Variants in RBM47 observed in about 807,000 individuals in gnomAD.
RBM47 encodes the protein RNA-binding protein 47.
Under a neutral mutation model 47.1 loss-of-function variants are expected in RBM47, and 21 were observed. The ratio of observed to expected loss-of-function variants is 0.45; its 90% confidence interval spans 0.32 to 0.64. RBM47 has a LOEUF of 0.64. Ranked by LOEUF, RBM47 falls within the 30% of genes least tolerant of loss-of-function variation. The pLI is 0.05. For synonymous variants in RBM47, 375 were observed against 361.7 expected, an observed-to-expected ratio of 1.04 and a Z score of -0.42; for missense variants, 708 against 870.9, an observed-to-expected ratio of 0.81 and a Z score of 2.35.
chr4:40,446,162 C>A (rs1375444304), intron 3 of RBM47, among the ~76,000 whole-genome samples: 1 of 152,160 alleles, frequency 6.6e-6, no homozygotes, highest in African/African-American at 2.4e-5. Context: ...TACTGAATGT[C>A]TATTATGTGA....
chr4:40,617,421 T>C (rs889809450), intron 1 of RBM47, among the ~76,000 whole-genome samples: 1 of 151,774 alleles, frequency 6.6e-6, no homozygotes, highest in Non-Finnish European at 1.5e-5. Context: ...TAGCTGGGCA[T>C]AGTGGTGCGT....
chr4:40,496,492 T>G (rs975683502), intron 2 of RBM47, among the ~76,000 whole-genome samples: 4 of 152,198 alleles, frequency 2.6e-5, no homozygotes, highest in Non-Finnish European at 5.9e-5. Context: ...ATCACTTGTC[T>G]ATGCAGACAT....
In RBM47 at chr4:40,437,805, C is replaced by T. The variant is rs777088121; in HGVS notation, c.1089G>A (p.Ala363=). The T allele has an allele frequency of 3.4e-5, 54 of 1,609,180 alleles. No homozygotes were observed. Among genetic ancestry groups the T allele is most frequent in the Admixed American group, 6.7e-5 (4 of 59,884 alleles). The stretch of plus-strand genomic sequence containing the variant: ...AGTAGTCCCTGTTGGGCCCAATGAG[C>T]GCGTTGTAGGGGTAGCCGTAGTAGG... ...TLAYYGYPYN[A]LIGPNRDYFV... The change falls in exon 4 of 7, where the codon GCG becomes GCA. Residue 363 remains alanine, a synonymous_variant. Transcript: ENST00000295971.
intron 2 of RBM47, among the ~76,000 whole-genome samples, chr4:40,508,871 A>C (rs936767091): frequency 5.3e-5 from 8 of 152,170 alleles, no homozygotes; most frequent in Admixed American, 2.6e-4. Flanking sequence ...TTAAAATAAT[A>C]TGTTTTCGGC....
At chr4:40,575,707 T>G (rs1412032282) in intron 1 of RBM47, among the ~76,000 whole-genome samples, 1 of 152,204 alleles carries the variant, frequency 6.6e-6, no homozygotes, top group Non-Finnish European at 1.5e-5. Flanking sequence ...GACCAACCCA[T>G]GCCAGTTTGC....
chr4:40,541,991 T>C (rs150614626), intron 2 of RBM47, among the ~76,000 whole-genome samples: 1,789 of 152,262 alleles, frequency 0.012, 11 homozygotes, highest in Non-Finnish European at 0.021. Flanking sequence ...TGTGGACACA[T>C]TGTCTGTGAA....
Position 40,437,858 on chromosome 4 carries a change from C to T in RBM47, c.1036G>A (p.Val346Met). Residue 346 changes from valine to methionine, a missense_variant, in exon 4 of 7, where the codon GTG becomes ATG. Physicochemically the swap from Val to Met is conservative, Grantham distance 21. Coordinates refer to ENST00000295971, the MANE Select transcript of RBM47 (RefSeq NM_001098634.2). ...AAEAAQQPSY[V>M]YSCDPYTLAY... ...AGTGTGTAGGGGTCGCAGGAGTACA[C>T]GTAGCTGGGCTGCTGCGCTGCCTCA... is the stretch of plus-strand genomic sequence containing the variant. 3 of 1,614,022 alleles carry T rather than the reference C, an allele frequency of 1.9e-6. No homozygotes were observed. Among genetic ancestry groups the T allele is most frequent in the Non-Finnish European group, 2.5e-6 (3 of 1,180,010 alleles).
intron 2 of RBM47, among the ~76,000 whole-genome samples, chr4:40,492,225 C>G (rs1253799194): frequency 6.6e-6 from 1 of 151,998 alleles, no homozygotes; most frequent in Non-Finnish European, 1.5e-5. Flanking sequence ...AAAAACATAG[C>G]CAGGCCTGGG....
chr4:40,618,606 C>T (rs530162324), intron 1 of RBM47, among the ~76,000 whole-genome samples: 15 of 151,092 alleles, frequency 9.9e-5, no homozygotes, highest in Non-Finnish European at 1.6e-4. Context: ...GTCAGGAGGT[C>T]GAGACCAGCC....
At chr4:40,430,882 T>A (rs1577596554) in intron 6 of RBM47, among the ~76,000 whole-genome samples, 1 of 150,956 alleles carries the variant, frequency 6.6e-6, no homozygotes, top group Admixed American at 6.6e-5. Flanking sequence ...AGCCCAGGAG[T>A]TCAATACCAG....
At chr4:40,539,772 T>C (rs1327659942) in intron 2 of RBM47, among the ~76,000 whole-genome samples, 1 of 130,628 alleles carries the variant, frequency 7.7e-6, no homozygotes, top group Non-Finnish European at 1.6e-5. Flanking sequence ...AAAAAAAAGA[T>C]ATATCTTCTA....
At chr4:40,568,519 G>A (rs374686647) in intron 1 of RBM47, among the ~76,000 whole-genome samples, 15 of 147,698 alleles carry the variant, frequency 1.0e-4, no homozygotes, top group South Asian at 2.1e-4. Context: ...ATTTTTTTCC[G>A]AATTGACATG....
intron 1 of RBM47, among the ~76,000 whole-genome samples, chr4:40,561,013 C>T (rs920820365): frequency 2.0e-5 from 3 of 151,468 alleles, no homozygotes; most frequent in Non-Finnish European, 4.4e-5. Flanking sequence ...CTCACTATTT[C>T]CCACATTCTT....
intron 1 of RBM47, among the ~76,000 whole-genome samples, chr4:40,560,965 G>GAAA (rs78803844): frequency 7.5e-6 from 1 of 134,068 alleles, no homozygotes; most frequent in Non-Finnish European, 1.6e-5. Flanking sequence ...CTCCTTCTCG[G>GAAA]AAAAAAAAAA....
At chr4:40,597,247 G>GAGA (rs1734838244) in intron 1 of RBM47, among the ~76,000 whole-genome samples, 1 of 136,444 alleles carries the variant, frequency 7.3e-6, no homozygotes, top group Admixed American at 7.4e-5. Context: ...GTGACAGAGC[G>GAGA]AGATTCCATC....
chr4:40,579,423 G>GAAAAAAAAAA (rs10653342), intron 1 of RBM47, among the ~76,000 whole-genome samples: 1 of 101,990 alleles, frequency 9.8e-6, no homozygotes, highest in Non-Finnish European at 1.8e-5. Flanking sequence ...CCCTGTCTCA[G>GAAAAAAAAAA]AAAAAAAAAA....
chr4:40,540,996 T>C (rs1281439185), intron 2 of RBM47, among the ~76,000 whole-genome samples: 1 of 151,916 alleles, frequency 6.6e-6, no homozygotes, highest in Non-Finnish European at 1.5e-5. Flanking sequence ...ACCTGGACTT[T>C]TTTTGAATCA....
At chr4:40,528,128 T>C (rs192706873) in intron 2 of RBM47, among the ~76,000 whole-genome samples, 3 of 152,312 alleles carry the variant, frequency 2.0e-5, no homozygotes, top group Non-Finnish European at 4.4e-5. Context: ...TAGAAATGTT[T>C]TGGGCCAGGT....
chr4:40,462,969 A>C (rs1376557733), intron 3 of RBM47, among the ~76,000 whole-genome samples: 1 of 152,174 alleles, frequency 6.6e-6, no homozygotes, highest in Non-Finnish European at 1.5e-5. Flanking sequence ...GAAATTAATA[A>C]CTTTTGTGCA....
Sources: gnomAD v4.1 joint callset for allele counts (sites outside exome capture counted in the v4.1 genomes callset) on GRCh38, gnomAD v4.1.1 for gene constraint, MANE v1.5 for transcripts, NCBI Gene and HGNC (gene_info 2026-07-23, HGNC 2026-07-21) for gene names.